NLGN1: variants seen among roughly 807,000 people sequenced by gnomAD.
The protein encoded by NLGN1 is neuroligin-1.
In NLGN1, 12 loss-of-function variants were observed where a neutral mutation model predicts 65.5. That is an observed-to-expected ratio of 0.18 (90% CI 0.12 to 0.30). The LOEUF (loss-of-function observed/expected upper bound fraction) is 0.30, where lower values mean the gene tolerates loss of function less well. Among genes scored for constraint, NLGN1 ranks in the 10% least tolerant of loss-of-function variants. The pLI is 1.00. For synonymous variants in NLGN1, 350 were observed against 359.5 expected (o/e 0.97, Z 0.30); for missense variants, 750 against 1,007.1 (o/e 0.74, Z 3.46).
chr3:174,011,552 A>T (rs1223001448), intron 4 of NLGN1, among the ~76,000 whole-genome samples: 1 of 152,146 alleles, frequency 6.6e-6, no homozygotes, highest in African/African-American at 2.4e-5. Flanking sequence ...TGTTTCTTGG[A>T]TCCATAACTA....
At chr3:174,122,751 C>T (rs1718040739) in intron 4 of NLGN1, among the ~76,000 whole-genome samples, 1 of 151,998 alleles carries the variant, frequency 6.6e-6, no homozygotes, top group Non-Finnish European at 1.5e-5. Context: ...TCATTTCCTA[C>T]CCTTGCTTAA....
intron 4 of NLGN1, among the ~76,000 whole-genome samples, chr3:173,863,503 A>G (rs1362033749): frequency 1.3e-5 from 2 of 152,196 alleles, no homozygotes; most frequent in South Asian, 2.1e-4. Flanking sequence ...ATATAATGGC[A>G]TTTACTTCCT....
chr3:173,702,850 C>A (rs1767454569), intron 3 of NLGN1, among the ~76,000 whole-genome samples: 1 of 152,138 alleles, frequency 6.6e-6, no homozygotes, highest in African/African-American at 2.4e-5. Context: ...CTTTCTATTC[C>A]ACACATTCAG....
chr3:173,658,429 T>C (rs1281066252), intron 3 of NLGN1, among the ~76,000 whole-genome samples: 25 of 152,006 alleles, frequency 1.6e-4, no homozygotes, highest in Admixed American at 1.5e-3. Flanking sequence ...TCCAGGCTAG[T>C]GACATACAAG....
chr3:173,842,158 C>G (rs967385849), intron 4 of NLGN1, among the ~76,000 whole-genome samples: 3 of 152,154 alleles, frequency 2.0e-5, no homozygotes, highest in African/African-American at 7.2e-5. Flanking sequence ...TTAAAACTAT[C>G]AGATTTCATG....
At chr3:173,815,519 C>T (rs1309073123) in intron 4 of NLGN1, among the ~76,000 whole-genome samples, 1 of 152,120 alleles carries the variant, frequency 6.6e-6, no homozygotes, top group Admixed American at 6.5e-5. Flanking sequence ...CTTCCTAGCA[C>T]AGGACACAGT....
intron 4 of NLGN1, among the ~76,000 whole-genome samples, chr3:173,976,395 T>A (rs544622373): frequency 6.6e-6 from 1 of 152,154 alleles, no homozygotes; most frequent in African/African-American, 2.4e-5. Flanking sequence ...TAATTGCGTG[T>A]AAAACTCATT....
At chr3:173,842,501 T>C (rs1578738738) in intron 4 of NLGN1, among the ~76,000 whole-genome samples, 1 of 152,214 alleles carries the variant, frequency 6.6e-6, no homozygotes. Flanking sequence ...AGTTACTTCC[T>C]AGATACAATG....
intron 4 of NLGN1, among the ~76,000 whole-genome samples, chr3:174,060,946 G>A (rs59215790): frequency 2.0e-5 from 3 of 152,142 alleles, no homozygotes; most frequent in East Asian, 3.9e-4. Context: ...AAAAAGGTTT[G>A]TTGAGGGTAG....
At chr3:174,266,165 T>C (rs1748189395) in intron 4 of NLGN1, among the ~76,000 whole-genome samples, 1 of 151,922 alleles carries the variant, frequency 6.6e-6, no homozygotes, top group Non-Finnish European at 1.5e-5. Context: ...AGCAAGGTAA[T>C]GAACATAGTA....
intron 4 of NLGN1, among the ~76,000 whole-genome samples, chr3:173,955,049 CA>C (rs1464659636): frequency 6.6e-6 from 1 of 152,016 alleles, no homozygotes; most frequent in Non-Finnish European, 1.5e-5. Flanking sequence ...CATTGTAGCA[CA>C]AAAGCTGCCA....
intron 4 of NLGN1, among the ~76,000 whole-genome samples, chr3:174,142,172 G>A (rs1256840652): frequency 6.6e-6 from 1 of 152,124 alleles, no homozygotes; most frequent in Non-Finnish European, 1.5e-5. Context: ...TTGTATAAAT[G>A]AAAGCATACT....
At chr3:173,479,433 C>T (rs1726860106) in intron 2 of NLGN1, among the ~76,000 whole-genome samples, 2 of 152,172 alleles carry the variant, frequency 1.3e-5, no homozygotes, top group South Asian at 4.1e-4. Context: ...TTCCATAGAG[C>T]TGGATACAAA....
In NLGN1 at chr3:173,711,490, TG is replaced by T. The variant is rs1578075895; in HGVS notation, c.494-96188del. The stretch of plus-strand genomic sequence containing the variant: ...TAGGGTTTAAATTATAATATTAAAT[TG>T]GTTTTAATGATGGTTTATAACAGTG... On this transcript the variant is annotated intron_variant, in intron 3 of 6. Transcript: ENST00000457714. 2.0e-5 allele frequency among the ~76,000 whole-genome samples: 3 copies of T among 152,306 alleles called. No individual in the cohort carries two copies. In the East Asian group the frequency reaches 5.8e-4, roughly 29 times the overall value.
intron 3 of NLGN1, among the ~76,000 whole-genome samples, chr3:173,764,135 C>T (rs1778408609): frequency 1.3e-5 from 2 of 152,136 alleles, no homozygotes; most frequent in South Asian, 4.1e-4. Flanking sequence ...ACAACAAAAG[C>T]TCTGTACACT....
intron 4 of NLGN1, among the ~76,000 whole-genome samples, chr3:173,837,149 A>T (rs1723780094): frequency 6.6e-6 from 1 of 152,126 alleles, no homozygotes; most frequent in South Asian, 2.1e-4. Flanking sequence ...CTTTTTCCCC[A>T]AACTAAACAT....
intron 3 of NLGN1, among the ~76,000 whole-genome samples, chr3:173,694,113 C>T (rs762249208): frequency 4.6e-5 from 7 of 152,056 alleles, no homozygotes; most frequent in Non-Finnish European, 7.4e-5. Flanking sequence ...CCGACCAGCT[C>T]TGTTAGTGAT....
intron 2 of NLGN1, among the ~76,000 whole-genome samples, chr3:173,442,161 C>G (rs1026445705): frequency 2.6e-4 from 40 of 152,148 alleles, no homozygotes; most frequent in African/African-American, 8.9e-4. Flanking sequence ...AAATCTGTTA[C>G]GCAGTTTTCA....
rs548647788 is a variant in NLGN1 at position 174,138,980 on chromosome 3, A to G, written c.647-136335A>G. Among the ~76,000 whole-genome samples the G allele has an allele frequency of 3.3e-3, 510 of 152,302 alleles. 2 individuals carry two copies. The highest frequency in any genetic ancestry group is 0.012 in the African/African-American group (483 of 41,560). On this transcript the variant is annotated intron_variant, in intron 4 of 6. Transcript: ENST00000457714. ...AACTTAATTCTCTGGTTGTTTTATA[A>G]TCATGGCTAAAGAATATAGAAGCCA...
Sources: gnomAD v4.1 joint callset for allele counts (sites outside exome capture counted in the v4.1 genomes callset) on GRCh38, gnomAD v4.1.1 for gene constraint, MANE v1.5 for transcripts, NCBI Gene and HGNC (gene_info 2026-07-23, HGNC 2026-07-21) for gene names.